The following TAP1 variants were observed in gnomAD, a reference collection of about 807,000 sequenced individuals.
TAP1 encodes antigen peptide transporter 1.
In TAP1, 56 loss-of-function variants were observed where a neutral mutation model predicts 79.3. The ratio of observed to expected loss-of-function variants is 0.71; its 90% CI spans 0.57 to 0.88. TAP1 has a LOEUF of 0.88. TAP1 is among the 40% of genes least tolerant of loss of function. The pLI, the probability that TAP1 is intolerant of heterozygous loss-of-function variation, is 0.00. For missense variants in TAP1, 737 were observed against 936.3 expected (o/e 0.79, Z 2.78); for synonymous variants, 355 against 401.4 (o/e 0.88, Z 1.38).
Position 32,853,688 on chromosome 6 carries a change from C to G in TAP1, c.-52G>C. 2 of 1,575,258 alleles carry G rather than the reference C, an allele frequency of 1.3e-6. No homozygotes were observed. Among genetic ancestry groups the G allele is most frequent in the African/African-American group, 1.3e-5 (1 of 74,244 alleles). On this transcript the variant is annotated 5_prime_UTR_variant, in exon 1 of 11. Coordinates refer to ENST00000354258, the MANE Select transcript of TAP1 (RefSeq NM_000593.6). The surrounding 1 kb of genome is among the most constrained non-coding windows in gnomAD (Gnocchi z 8.3). ...GGCCGGGCCTGGGACTCTCCGCGCC[C>G]CGGTGGGGCCTGAAGCTCCGGGTAC...
At position 32,851,052 on chromosome 6, in the gene TAP1, T is replaced by C; in HGVS notation, c.942A>G (p.Leu314=). 9.3e-6 allele frequency: 15 copies of C among 1,612,946 alleles called. No homozygotes were observed. The highest frequency in any genetic ancestry group is 1.3e-5 in the Non-Finnish European group (15 of 1,180,010). ...CCCAGAGCATGATCCCCAAGAGACA[T>C]AGGCCTCGCACCAGGTACCACAGAA... ...SLFLWYLVRG[L]CLLGIMLWGS... Residue 314 remains leucine (L), a synonymous_variant, in exon 4 of 11, where the codon CTA becomes CTG. Transcript: ENST00000354258. This position sits in a 1 kb window ranked among gnomAD's most constrained non-coding sequence, Gnocchi z 4.8.
At position 32,848,086 on chromosome 6, in the gene TAP1, T is replaced by C; in HGVS notation, c.1573A>G (p.Thr525Ala). Reference protein sequence around the residue: ...RPDVLVLQGLTFTLRPGEVTA... With the variant: ...RPDVLVLQGLAFTLRPGEVTA... ...ACCTCGCCAGGGCGTAGGGTGAATG[T>C]CAGCCCCTAGAGGCCAGAGAAGCAC... The change falls in exon 8 of 11, where the codon ACA becomes GCA. Residue 525 changes from threonine (T) to alanine (A), a missense_variant. Thr to Ala is a moderately conservative substitution (Grantham distance 58, BLOSUM62 0). Transcript: ENST00000354258. 3 of 1,602,894 alleles carry C rather than the reference T, an allele frequency of 1.9e-6. No homozygotes were observed. In the South Asian group the frequency reaches 3.3e-5, roughly 18 times the overall value.
chr6:32,853,394 G>C lies in TAP1; in HGVS notation c.243C>G (p.Gly81=). 1.2e-6 allele frequency: 2 copies of C among 1,608,210 alleles called. No homozygotes were observed. The highest frequency in any genetic ancestry group is 2.2e-5 in the South Asian group (2 of 90,546). The stretch of plus-strand genomic sequence containing the variant: ...GGGCACCTGCGTTTTCGCTCTTGGA[G>C]CCAACCGTTGCCCTGAGGACCCCGC... ...GACGVLRATV[G]SKSENAGAQG... Residue 81 remains glycine, a synonymous_variant, in exon 1 of 11, where the codon GGC becomes GGG. Coordinates refer to ENST00000354258, the MANE Select transcript of TAP1 (RefSeq NM_000593.6). The surrounding 1 kb of genome is among the most constrained non-coding windows in gnomAD (Gnocchi z 8.3).
In TAP1 at chr6:32,847,763, A is replaced by G. The variant is rs1426172270; in HGVS notation, c.1741-88T>C. ...TCGAAGACTCAAAATCTTTATTGAGAACATGTCACAAAATCATACTACCTC... is the reference window on the plus strand; with the variant it reads ...TCGAAGACTCAAAATCTTTATTGAGGACATGTCACAAAATCATACTACCTC... On this transcript the variant is annotated intron_variant, in intron 8 of 10. Transcript: ENST00000354258. This position sits in a 1 kb window ranked among gnomAD's most constrained non-coding sequence, Gnocchi z 4.7. 1 of 1,573,048 alleles carries G rather than the reference A, an allele frequency of 6.4e-7. No homozygotes were observed. Among genetic ancestry groups the G allele is most frequent in the Non-Finnish European group, 8.7e-7 (1 of 1,145,496 alleles).
chr6:32,852,560 G>A lies in TAP1; in HGVS notation c.599-58C>T. 6.2e-7 allele frequency: 1 copy of A among 1,605,040 alleles called. No individual in the cohort carries two copies. Among genetic ancestry groups the A allele is most frequent in the Non-Finnish European group, 8.5e-7 (1 of 1,176,082 alleles). On this transcript the variant is annotated intron_variant, in intron 1 of 10. Coordinates refer to ENST00000354258, the MANE Select transcript of TAP1 (RefSeq NM_000593.6). The surrounding 1 kb of genome is among the most constrained non-coding windows in gnomAD (Gnocchi z 4.8). ...ATTAAGTCTAAGTAGGTCAGTTCCA[G>A]TCAGACTGGCCCCACCACGCCTCCT... is the stretch of plus-strand genomic sequence containing the variant.
At chr6:32,849,679 A>T (rs1770667630) in intron 5 of TAP1, 1 of 175,742 alleles carries the variant, frequency 5.7e-6, no homozygotes, top group South Asian at 1.2e-4. Context: ...TGAACCCGGG[A>T]GGCGGAGCTT....
Position 32,847,644 on chromosome 6 carries a change from A to G in TAP1, c.1772T>C (p.Phe591Ser), listed in dbSNP as rs994202939. The G allele has an allele frequency of 3.1e-6, 5 of 1,612,716 alleles. No homozygotes were observed. In the African/African-American group the frequency reaches 6.7e-5, roughly 22 times the overall value. The change falls in exon 9 of 11, where the codon TTT becomes TCT. Residue 591 changes from phenylalanine to serine, a missense_variant. Around this residue, in one of 5 missense-constraint regions of TAP1, gnomAD observed 266 missense variants for 332.4 expected, o/e 0.80. Coordinates refer to ENST00000354258, the MANE Select transcript of TAP1 (RefSeq NM_000593.6). The surrounding 1 kb of genome is among the most constrained non-coding windows in gnomAD (Gnocchi z 4.7). ...AATATTTTCTTGAAGACTTCTTCCA[A>G]ATACCTGTGGCTCTTGTCCCACTGC... The part of the protein sequence containing the change: ...VAAVGQEPQV[F>S]GRSLQENIAY...
At chr6:32,849,585 C>CAA (rs9280199) in intron 5 of TAP1, 13 of 157,816 alleles carry the variant, frequency 8.2e-5, no homozygotes, top group South Asian at 5.1e-4. Flanking sequence ...ACTAAAAATA[C>CAA]AAAAAAAAAA....
Position 32,852,357 on chromosome 6 carries a change from T to C in TAP1, c.713+31A>G. On this transcript the variant is annotated intron_variant, in intron 2 of 10. Transcript: ENST00000354258. This position sits in a 1 kb window ranked among gnomAD's most constrained non-coding sequence, Gnocchi z 4.8. ...CAGCCCCAACTTCCAACTCCCTCAT[T>C]TGCAGGGTGCCCCATTTTCAGCCCC... 1 of 1,612,840 alleles carries C rather than the reference T, an allele frequency of 6.2e-7. No individual in the cohort carries two copies. The highest frequency in any genetic ancestry group is 8.5e-7 in the Non-Finnish European group (1 of 1,179,884).
In TAP1 at chr6:32,850,890, G is replaced by C. The variant is rs1770736883; in HGVS notation, c.1050+54C>G. ...AAGCAATGTGAGAGGAACTGAGTCT[G>C]CCAAGTCTGGGAGATGAGGGTCTGT... On this transcript the variant is annotated intron_variant, in intron 4 of 10. Transcript: ENST00000354258. This position sits in a 1 kb window ranked among gnomAD's most constrained non-coding sequence, Gnocchi z 5.5. 1 of 1,510,030 alleles carries C rather than the reference G, an allele frequency of 6.6e-7. No individual in the cohort carries two copies. Among genetic ancestry groups the C allele is most frequent in the African/African-American group, 1.4e-5 (1 of 72,674 alleles). 93.5% of individuals were successfully genotyped at this position (1,510,030 alleles called of 1,614,324 possible). A position where few individuals can be genotyped will look rare whatever the true frequency, so the allele number is the denominator to read the frequency against.
In TAP1 at chr6:32,850,648, C is replaced by A. The variant is rs1770724194; in HGVS notation, c.1051-131G>T. 7.1e-6 allele frequency: 6 copies of A among 849,516 alleles called. No homozygotes were observed. Among genetic ancestry groups the A allele is most frequent in the Non-Finnish European group, 9.6e-6 (5 of 520,824 alleles). 52.6% of individuals were successfully genotyped at this position (849,516 alleles called of 1,614,324 possible). A position where few individuals can be genotyped will look rare whatever the true frequency, so the allele number is the denominator to read the frequency against. On this transcript the variant is annotated intron_variant, in intron 4 of 10. Transcript: ENST00000354258. The surrounding 1 kb of genome is among the most constrained non-coding windows in gnomAD (Gnocchi z 5.5). ...AAGGAGAAAAGAGAAAGAGACACAG[C>A]TATGCCCCTTGGATGCTAAAGAAAT... is the stretch of plus-strand genomic sequence containing the variant.
Position 32,847,975 on chromosome 6 carries a change from G to T in TAP1, c.1684C>A (p.Leu562Met). 1.2e-6 allele frequency: 2 copies of T among 1,613,118 alleles called. No homozygotes were observed. The highest frequency in any genetic ancestry group is 1.7e-6 in the Non-Finnish European group (2 of 1,180,048). ...QNLYQPTGGQ[L>M]LLDGKPLPQY... ...GGAAGGGGCTTCCCATCCAACAGCA[G>T]CTGTCCCCCGGTGGGCTGGTACAGA... Residue 562 changes from leucine to methionine, a missense_variant, in exon 8 of 11, where the codon CTG (leucine) becomes ATG (methionine). Leu to Met is a conservative substitution (Grantham distance 15, BLOSUM62 2). Around this residue, in one of 5 missense-constraint regions of TAP1, gnomAD observed 266 missense variants for 332.4 expected, o/e 0.80. Transcript: ENST00000354258. This position sits in a 1 kb window ranked among gnomAD's most constrained non-coding sequence, Gnocchi z 4.7.
At position 32,849,057 on chromosome 6, in the gene TAP1, C is replaced by G; in HGVS notation, c.1310G>C (p.Gly437Ala). The change falls in exon 6 of 11, where the codon GGG (glycine) becomes GCG (alanine). Residue 437 changes from glycine to alanine, a missense_variant. By Grantham distance (60) the Gly-to-Ala change is moderately conservative (BLOSUM62 0). Coordinates refer to ENST00000354258, the MANE Select transcript of TAP1 (RefSeq NM_000593.6). ...GACAAGGTTCCCACTGCTTACAGCC[C>G]CACTGGTCACCAGCTGCCCACCAAT... ...LYIGGQLVTS[G>A]AVSSGNLVTF... 6.2e-7 allele frequency: 1 copy of G among 1,601,298 alleles called. No homozygotes were observed. Among genetic ancestry groups the G allele is most frequent in the Non-Finnish European group, 8.5e-7 (1 of 1,174,932 alleles).
chr6:32,849,081 A>G lies in TAP1; in HGVS notation c.1286T>C (p.Ile429Thr), dbSNP rs1582633663. ...CCCACTGGTCACCAGCTGCCCACCA[A>G]TGTAGAGGATTCCCACTTTCAGCAG... ...GMLLKVGILY[I>T]GGQLVTSGAV... is the part of the protein sequence containing the mutation. Residue 429 changes from isoleucine to threonine, a missense_variant, in exon 6 of 11, where the codon ATT (isoleucine) becomes ACT (threonine). Ile to Thr is a moderately conservative substitution (Grantham distance 89). Coordinates refer to ENST00000354258, the MANE Select transcript of TAP1 (RefSeq NM_000593.6). The G allele has an allele frequency of 1.9e-6, 3 of 1,594,134 alleles. No homozygotes were observed. The highest frequency in any genetic ancestry group is 2.3e-5 in the South Asian group (2 of 88,098).
chr6:32,848,373 AAAAGG>A lies in TAP1; in HGVS notation c.1566+274_1566+278del, dbSNP rs1562366441. 1.4e-5 allele frequency: 9 copies of A among 622,086 alleles called. No individual in the cohort carries two copies. The East Asian group carries it at 1.9e-4, about 13-fold the overall frequency. The allele number at this position is 622,086 out of a possible 1,614,324, so 38.5% of individuals were successfully genotyped here. On this transcript the variant is annotated intron_variant, in intron 7 of 10. Transcript: ENST00000354258. ...AAAATCACATTCCAAATTACAAAGG[AAAAGG>A]AAAGATGGAAGACCGAAGACACAGA...
In TAP1 at chr6:32,847,422, G is replaced by A; in HGVS notation, c.1903+91C>T. On this transcript the variant is annotated intron_variant, in intron 9 of 10. Transcript: ENST00000354258. The surrounding 1 kb of genome is among the most constrained non-coding windows in gnomAD (Gnocchi z 4.7). ...CTTACAACTTCAAATTGATGTCCAT[G>A]AGTAAGGAGGAACTGAAGGATAAAG... The A allele has an allele frequency of 6.3e-7, 1 of 1,575,816 alleles. No individual in the cohort carries two copies. Among genetic ancestry groups the A allele is most frequent in the Non-Finnish European group, 8.7e-7 (1 of 1,146,910 alleles).
At chr6:32,849,237 G>A in intron 5 of TAP1, 119 bp from the exon 6 acceptor site, 4 of 1,254,734 alleles carry the variant, frequency 3.2e-6, no homozygotes, top group Non-Finnish European at 4.5e-6. Flanking sequence ...ACATCGGCAG[G>A]CTCAATAGGC....
At position 32,850,567 on chromosome 6, in the gene TAP1, G is replaced by A. The variant is rs1444841189; in HGVS notation, c.1051-50C>T. 6.7e-7 allele frequency: 1 copy of A among 1,495,068 alleles called. No individual in the cohort carries two copies. The highest frequency in any genetic ancestry group is 2.3e-5 in the East Asian group (1 of 44,368). The allele number at this position is 1,495,068 out of a possible 1,614,324, so 92.6% of individuals were successfully genotyped here. ...TCACACGGGTTGGCAAACCATCAGGGACACTAATACCTGAGTTACCTATTT... is the reference window on the plus strand; with the variant it reads ...TCACACGGGTTGGCAAACCATCAGGAACACTAATACCTGAGTTACCTATTT... On this transcript the variant is annotated intron_variant, in intron 4 of 10. Transcript: ENST00000354258. This position sits in a 1 kb window ranked among gnomAD's most constrained non-coding sequence, Gnocchi z 5.5.
Position 32,847,390 on chromosome 6 carries a change from G to T in TAP1, c.1903+123C>A. ...ATGTCAGGATGAAGAAGCCATAGGA[G>T]CATGATCTTACAACTTCAAATTGAT... is the stretch of plus-strand genomic sequence containing the variant. On this transcript the variant is annotated intron_variant, in intron 9 of 10. Transcript: ENST00000354258. This position sits in a 1 kb window ranked among gnomAD's most constrained non-coding sequence, Gnocchi z 4.7. 1 of 1,518,730 alleles carries T rather than the reference G, an allele frequency of 6.6e-7. No homozygotes were observed. The highest frequency in any genetic ancestry group is 9.1e-7 in the Non-Finnish European group (1 of 1,097,650). The allele number at this position is 1,518,730 out of a possible 1,614,324, so 94.1% of individuals were successfully genotyped here.
Sources: allele counts gnomAD v4.1 joint callset, GRCh38; gene constraint gnomAD v4.1.1; regional missense constraint gnomAD v4.1.1; non-coding constraint Gnocchi (gnomAD v3.1); transcripts MANE v1.5; gene names NCBI Gene and HGNC (gene_info 2026-07-23, HGNC 2026-07-21).